EML1: variants seen among roughly 807,000 people sequenced by gnomAD.
EML1 encodes echinoderm microtubule-associated protein-like 1.
Under a neutral mutation model 110.4 loss-of-function variants are expected in EML1, and 27 were observed. The observed-to-expected ratio is 0.24, with a 90% CI of 0.18 to 0.34. The LOEUF (loss-of-function observed/expected upper bound fraction) is 0.34, where lower values mean the gene tolerates loss of function less well. EML1 is among the 10% of genes least tolerant of loss of function. The pLI is 1.00. For missense variants in EML1, 741 were observed against 1,030.9 expected (o/e 0.72, Z 3.85); for synonymous variants, 344 against 385.8 (o/e 0.89, Z 1.27).
At chr14:99,822,619 C>T (rs1028035894) in intron 1 of EML1, among the ~76,000 whole-genome samples, 1 of 152,170 alleles carries the variant, frequency 6.6e-6, no homozygotes, top group Non-Finnish European at 1.5e-5. Context: ...CTCCATCTCT[C>T]TCATTTTCTT....
At chr14:99,862,361 T>C (rs973813974) in intron 2 of EML1, among the ~76,000 whole-genome samples, 1 of 152,158 alleles carries the variant, frequency 6.6e-6, no homozygotes, top group African/African-American at 2.4e-5. Flanking sequence ...GAAAGTAACT[T>C]CTCCCCCAAC....
chr14:99,867,768 G>A lies in EML1; in HGVS notation c.383+2122G>A, dbSNP rs151108490. ...TATAAGATTCTGTCATCTGTAGACC[G>A]ATAGTTTTACTTTGGATCCTTTCCT... On this transcript the variant is annotated intron_variant, in intron 3 of 21. Transcript: ENST00000262233. Among the ~76,000 whole-genome samples, 839 of 152,246 alleles carry A rather than the reference G, an allele frequency of 5.5e-3. 11 individuals are homozygous for A. The highest frequency in any genetic ancestry group is 0.018 in the African/African-American group (762 of 41,552).
intron 1 of EML1, among the ~76,000 whole-genome samples, chr14:99,756,661 T>A (rs1415495837): frequency 6.6e-6 from 1 of 152,180 alleles, no homozygotes; most frequent in African/African-American, 2.4e-5. Context: ...TGGTGGGCAC[T>A]GCAGTCGCCT....
intron 1 of EML1, among the ~76,000 whole-genome samples, chr14:99,795,239 T>C (rs528627409): frequency 6.6e-6 from 1 of 152,370 alleles, no homozygotes; most frequent in African/African-American, 2.4e-5. Context: ...CGTCTGTTCA[T>C]GAATGTTTTC....
At chr14:99,804,645 GA>G (rs1231514484) in intron 1 of EML1, among the ~76,000 whole-genome samples, 1 of 152,178 alleles carries the variant, frequency 6.6e-6, no homozygotes, top group Non-Finnish European at 1.5e-5. Flanking sequence ...ACCTGAAAGG[GA>G]CTTAGGAGAT....
intron 1 of EML1, among the ~76,000 whole-genome samples, chr14:99,846,814 G>T (rs1404556257): frequency 6.6e-6 from 1 of 152,084 alleles, no homozygotes; most frequent in African/African-American, 2.4e-5. Flanking sequence ...TGCTTCAAAA[G>T]AGATACTCAT....
intron 4 of EML1, among the ~76,000 whole-genome samples, chr14:99,879,138 A>G (rs999615880): frequency 2.0e-5 from 3 of 152,126 alleles, no homozygotes; most frequent in Non-Finnish European, 4.4e-5. Flanking sequence ...AAATACGTGG[A>G]CTCCAAATTT....
rs148335436 is a variant in EML1, at chr14:99,933,109, G to T, written c.1910-2920G>T. Among the ~76,000 whole-genome samples the T allele has an allele frequency of 1.3e-3, 205 of 152,260 alleles. 1 individual carries two copies. The highest frequency in any genetic ancestry group is 4.9e-3 in the African/African-American group (202 of 41,544). On this transcript the variant is annotated intron_variant, in intron 17 of 21. Coordinates refer to ENST00000262233, the MANE Select transcript of EML1 (RefSeq NM_004434.3). ...GTGACACAGCGAGACCCCATCCCAAGAAACAAAACAAAACTAATGGTTCCA... is the reference window on the plus strand; with the variant it reads ...GTGACACAGCGAGACCCCATCCCAATAAACAAAACAAAACTAATGGTTCCA...
At chr14:99,758,681 A>G (rs547926195) in intron 1 of EML1, among the ~76,000 whole-genome samples, 1 of 152,328 alleles carries the variant, frequency 6.6e-6, no homozygotes, top group South Asian at 2.1e-4. Context: ...CAATGAGCTC[A>G]TGAATATGCA....
intron 17 of EML1, among the ~76,000 whole-genome samples, chr14:99,921,863 A>G (rs928162613): frequency 1.3e-5 from 2 of 152,154 alleles, no homozygotes; most frequent in African/African-American, 4.8e-5. Flanking sequence ...TAACCTTTTC[A>G]TCATCCAAAA....
At chr14:99,892,051 G>A in intron 5 of EML1, 3 of 700,742 alleles carry the variant, frequency 4.3e-6, no homozygotes, top group Non-Finnish European at 5.3e-6. Context: ...GGGCAGGTCA[G>A]GTGTTGGCCT....
At chr14:99,929,233 C>T (rs1017937541) in intron 17 of EML1, among the ~76,000 whole-genome samples, 1 of 152,210 alleles carries the variant, frequency 6.6e-6, no homozygotes, top group Non-Finnish European at 1.5e-5. Context: ...CAGGGCCGGG[C>T]CAACCGCATT....
At chr14:99,925,761 C>G (rs1194562327) in intron 17 of EML1, among the ~76,000 whole-genome samples, 3 of 152,156 alleles carry the variant, frequency 2.0e-5, no homozygotes, top group Non-Finnish European at 4.4e-5. Context: ...TCAGATTGGC[C>G]GGAAGGGTGT....
chr14:99,787,559 G>A (rs1055681549), intron 1 of EML1, among the ~76,000 whole-genome samples: 11 of 152,088 alleles, frequency 7.2e-5, no homozygotes, highest in South Asian at 6.2e-4. Flanking sequence ...TATTCCAGGC[G>A]TGAGCCACCA....
At chr14:99,789,710 CCTTT>C (rs1428739110), upstream of EML1, among the ~76,000 whole-genome samples, 2 of 152,176 alleles carry the variant, frequency 1.3e-5, no homozygotes, top group African/African-American at 2.4e-5. Context: ...TTAAAAATTG[CCTTT>C]CTATGAATAA....
intron 3 of EML1, among the ~76,000 whole-genome samples, chr14:99,872,628 G>A (rs1275757691): frequency 1.3e-5 from 2 of 152,164 alleles, no homozygotes; most frequent in African/African-American, 2.4e-5. Context: ...GGGCTTCGGT[G>A]GATGGGACTT....
chr14:99,769,020 C>G (rs1297050906), upstream of EML1, among the ~76,000 whole-genome samples: 1 of 152,004 alleles, frequency 6.6e-6, no homozygotes, highest in Non-Finnish European at 1.5e-5. Flanking sequence ...GCCTGGCCTG[C>G]TTGTATATTA....
chr14:99,790,049 T>G (rs2057646215), upstream of EML1, among the ~76,000 whole-genome samples: 1 of 152,216 alleles, frequency 6.6e-6, no homozygotes, highest in Non-Finnish European at 1.5e-5. Flanking sequence ...TTAGCTTTTT[T>G]TTAGAGTAAG....
chr14:99,800,809 C>G (rs1287832766), intron 1 of EML1, among the ~76,000 whole-genome samples: 1 of 152,172 alleles, frequency 6.6e-6, no homozygotes. Context: ...TTTATTCTGC[C>G]AGCTTTCTGG....
Sources: gnomAD v4.1 joint callset for allele counts (sites outside exome capture counted in the v4.1 genomes callset) on GRCh38, gnomAD v4.1.1 for gene constraint, MANE v1.5 for transcripts, NCBI Gene and HGNC (gene_info 2026-07-23, HGNC 2026-07-21) for gene names.